SULT2B1: variants seen among roughly 807,000 people sequenced by gnomAD.
The protein encoded by SULT2B1 is sulfotransferase family 2B member 1.
A neutral mutation model predicts 33.2 loss-of-function variants in SULT2B1; 16 were observed. The observed-to-expected ratio is 0.48, with a 90% CI of 0.33 to 0.73. The LOEUF (loss-of-function observed/expected upper bound fraction) is 0.73, where lower values mean the gene tolerates loss of function less well. SULT2B1 is among the 30% of genes least tolerant of loss of function. The probability of loss-of-function intolerance (pLI) is 0.02; values close to 1 mark genes in which losing one functional copy is unlikely to be tolerated. For missense variants in SULT2B1, 500 were observed against 506.0 expected (o/e 0.99, Z 0.11); for synonymous variants, 186 against 200.5 (o/e 0.93, Z 0.61).
rs754479618 is a variant in SULT2B1 at position 48,599,086 on chromosome 19, G to A, written c.827-49G>A. 60 of 1,535,824 alleles carry A rather than the reference G, an allele frequency of 3.9e-5. No individual in the cohort carries two copies. Among genetic ancestry groups the A allele is most frequent in the African/African-American group, 1.1e-4 (8 of 72,744 alleles). Reference sequence around the variant, plus strand: ...TTGCTGGAATGTTGGAGGTAGGGGCGCAGTGCTCCCCAGAGGCTCCTCACC... The same window carrying A: ...TTGCTGGAATGTTGGAGGTAGGGGCACAGTGCTCCCCAGAGGCTCCTCACC... On this transcript the variant is annotated intron_variant, in intron 6 of 6. Coordinates refer to ENST00000201586, the MANE Select transcript of SULT2B1 (RefSeq NM_177973.2). The surrounding 1 kb of genome is among the most constrained non-coding windows in gnomAD (Gnocchi z 4.1).
At chr19:48,553,924 C>T (rs776932011) in intron 1 of SULT2B1, among the ~76,000 whole-genome samples, 2 of 152,170 alleles carry the variant, frequency 1.3e-5, no homozygotes, top group African/African-American at 2.4e-5. Context: ...CCAGGGTTCC[C>T]GCCTCTGGGA....
At chr19:48,569,360 A>AT (rs1201962585) in intron 1 of SULT2B1, among the ~76,000 whole-genome samples, 3 of 14,894 alleles carry the variant, frequency 2.0e-4, no homozygotes, top group African/African-American at 1.3e-3. Context: ...AAAAAAAAAA[A>AT]AACATATATA....
chr19:48,558,741 G>A (rs1568402391), intron 1 of SULT2B1, among the ~76,000 whole-genome samples: 2 of 143,948 alleles, frequency 1.4e-5, no homozygotes, highest in African/African-American at 2.7e-5. Flanking sequence ...CTGGAGTGCA[G>A]TGGCACCATC....
At chr19:48,562,411 C>A (rs1003948978) in intron 1 of SULT2B1, among the ~76,000 whole-genome samples, 1 of 150,850 alleles carries the variant, frequency 6.6e-6, no homozygotes, top group African/African-American at 2.4e-5. Flanking sequence ...ATTAGCAAAG[C>A]GTGGTGGTGT....
At chr19:48,562,880 A>G (rs1973199479) in intron 1 of SULT2B1, among the ~76,000 whole-genome samples, 1 of 151,984 alleles carries the variant, frequency 6.6e-6, no homozygotes, top group Admixed American at 6.6e-5. Context: ...GGGTTTCACC[A>G]TGTTGGTCAG....
At chr19:48,559,018 G>A (rs1973140999) in intron 1 of SULT2B1, among the ~76,000 whole-genome samples, 1 of 151,922 alleles carries the variant, frequency 6.6e-6, no homozygotes, top group African/African-American at 2.4e-5. Context: ...GGCTGATCAA[G>A]GGGTTTCAAA....
At chr19:48,559,804 G>T (rs1466878318) in intron 1 of SULT2B1, among the ~76,000 whole-genome samples, 1 of 152,038 alleles carries the variant, frequency 6.6e-6, no homozygotes. Context: ...TGGGAAAGTG[G>T]GGACCGTGAC....
At chr19:48,570,734 T>G (rs940322583) in intron 1 of SULT2B1, among the ~76,000 whole-genome samples, 60 of 145,984 alleles carry the variant, frequency 4.1e-4, no homozygotes, top group Non-Finnish European at 6.1e-4. Flanking sequence ...GTTTTTGTTT[T>G]TTTTTTCTGA....
At chr19:48,582,808 A>G (rs1211795083) in intron 2 of SULT2B1, among the ~76,000 whole-genome samples, 1 of 151,392 alleles carries the variant, frequency 6.6e-6, no homozygotes, top group Non-Finnish European at 1.5e-5. Flanking sequence ...GTACCAATGC[A>G]CTCCAGTCTG....
chr19:48,563,852 C>T (rs1973209828), intron 1 of SULT2B1, among the ~76,000 whole-genome samples: 1 of 151,890 alleles, frequency 6.6e-6, no homozygotes, highest in Non-Finnish European at 1.5e-5. Context: ...GTAATCCCAG[C>T]TACTCGGGAG....
At chr19:48,570,817 C>T (rs1163225722) in intron 1 of SULT2B1, among the ~76,000 whole-genome samples, 3 of 151,708 alleles carry the variant, frequency 2.0e-5, no homozygotes, top group Admixed American at 6.6e-5. Context: ...CTCTGCCTCC[C>T]AGGTTCAAGA....
chr19:48,590,145 G>A (rs1474714739), intron 3 of SULT2B1, among the ~76,000 whole-genome samples: 1 of 151,856 alleles, frequency 6.6e-6, no homozygotes, highest in Admixed American at 6.6e-5. Context: ...CCACCACCAT[G>A]CCCAGCTAAT....
chr19:48,592,833 T>A lies in SULT2B1; in HGVS notation c.645+17T>A. The A allele has an allele frequency of 6.4e-7, 1 of 1,551,744 alleles. No individual in the cohort carries two copies. Among genetic ancestry groups the A allele is most frequent in the East Asian group, 2.4e-5 (1 of 41,734 alleles). ...CTGCAGCAGGTGAGTCCCCACCTCCTCCAGGTGCAGCGTCCCCCCCATACC... is the reference window on the plus strand; with the variant it reads ...CTGCAGCAGGTGAGTCCCCACCTCCACCAGGTGCAGCGTCCCCCCCATACC... On this transcript the variant is annotated intron_variant, in intron 5 of 6. Coordinates refer to ENST00000201586, the MANE Select transcript of SULT2B1 (RefSeq NM_177973.2).
At chr19:48,569,081 G>A (rs200455981) in intron 1 of SULT2B1, among the ~76,000 whole-genome samples, 1 of 152,060 alleles carries the variant, frequency 6.6e-6, no homozygotes, top group African/African-American at 2.4e-5. Context: ...GGTGGCTCAC[G>A]CCTGTAATCC....
chr19:48,561,211 C>G (rs894364403), intron 1 of SULT2B1, among the ~76,000 whole-genome samples: 2 of 151,718 alleles, frequency 1.3e-5, no homozygotes, highest in Admixed American at 1.3e-4. Flanking sequence ...AGGCGGATCA[C>G]CTGAGGTGGG....
intron 2 of SULT2B1, among the ~76,000 whole-genome samples, chr19:48,582,133 G>A (rs935164072): frequency 4.7e-5 from 7 of 150,352 alleles, no homozygotes; most frequent in Non-Finnish European, 8.9e-5. Context: ...TCGAACCCCT[G>A]ACCTCAGGAG....
In SULT2B1 at chr19:48,591,297, C is replaced by T. The variant is rs1186844576; in HGVS notation, c.424-312C>T. ...CTGTGAGTAACCAACATGGTAAAAC[C>T]CCATCTCTACTAAACATACAAAAAT... On this transcript the variant is annotated intron_variant, in intron 3 of 6. Transcript: ENST00000201586. 1.9e-5 allele frequency: 4 copies of T among 206,448 alleles called. No homozygotes were observed. The South Asian group carries it at 2.6e-4, about 13-fold the overall frequency. 12.8% of individuals were successfully genotyped at this position (206,448 alleles called of 1,614,324 possible). A position where few individuals can be genotyped will look rare whatever the true frequency, so the allele number is the denominator to read the frequency against.
intron 1 of SULT2B1, among the ~76,000 whole-genome samples, chr19:48,559,123 G>A (rs956268117): frequency 5.3e-5 from 8 of 152,098 alleles, no homozygotes; most frequent in African/African-American, 1.7e-4. Context: ...TAGCGGATGC[G>A]GGGACTTGGG....
Position 48,587,370 on chromosome 19 carries a change from C to G in SULT2B1, c.356C>G (p.Pro119Arg). The stretch of plus-strand genomic sequence containing the variant: ...TTCAGCCTCCCGGACCAGTACAGCC[C>G]CCGCCTCATGAGCTCCCATCTTCCC... ...GAFSLPDQYSPRLMSSHLPIQ... is the reference protein window; with the variant it reads ...GAFSLPDQYSRRLMSSHLPIQ... The change falls in exon 3 of 7, where the codon CCC (proline) becomes CGC (arginine). Residue 119 changes from proline (P) to arginine (R), a missense_variant. Transcript: ENST00000201586. 1.2e-6 allele frequency: 2 copies of G among 1,614,074 alleles called. No homozygotes were observed. The highest frequency in any genetic ancestry group is 1.7e-6 in the Non-Finnish European group (2 of 1,180,008).
Sources: allele counts gnomAD v4.1 joint callset (sites outside exome capture counted in the v4.1 genomes callset), GRCh38; gene constraint gnomAD v4.1.1; non-coding constraint Gnocchi (gnomAD v3.1); transcripts MANE v1.5; gene names NCBI Gene and HGNC (gene_info 2026-07-23, HGNC 2026-07-21).